The following ADGRL2 variants were observed in gnomAD, a reference collection of about 807,000 sequenced individuals.
ADGRL2 encodes the protein calcium-independent alpha-latrotoxin receptor 2.
ADGRL2 carries 44 observed loss-of-function variants against 157.4 expected under a neutral mutation model. The observed-to-expected ratio is 0.28, with a 90% CI of 0.22 to 0.36. ADGRL2 has a LOEUF of 0.36. Among genes scored for constraint, ADGRL2 ranks in the 10% least tolerant of loss-of-function variants. ADGRL2 has a pLI of 1.00. For missense variants in ADGRL2, 1,510 were observed against 1,768.9 expected (o/e 0.85, Z 2.63); for synonymous variants, 585 against 624.7 (o/e 0.94, Z 0.95).
rs552139875 is a variant in ADGRL2, at chr1:81,707,817, C to G, written c.-143+8009C>G. On this transcript the variant is annotated intron_variant, in intron 1 of 20. Coordinates refer to the ADGRL2 transcript ENST00000359929. ...CCCACAGCTCCTCTTCAACTACATGCAGATACCCCTTTAAGAGTGCAGCTG... is the reference window on the plus strand; with the variant it reads ...CCCACAGCTCCTCTTCAACTACATGGAGATACCCCTTTAAGAGTGCAGCTG... Among the ~76,000 whole-genome samples the G allele has an allele frequency of 3.9e-5, 6 of 152,216 alleles. No homozygotes were observed. In the South Asian group the frequency reaches 1.2e-3, roughly 32 times the overall value.
In ADGRL2 at chr1:81,390,673, CT is replaced by C. The variant is rs1394611507; in HGVS notation, c.-301-54362del. On this transcript the variant is annotated intron_variant, in intron 1 of 24. Coordinates refer to the ADGRL2 transcript ENST00000370721. ...TTTTTCATACAGAAAGGGAATTATA[CT>C]GTACATTCCATATGGCAATTTGATC... Among the ~76,000 whole-genome samples, 11 of 152,420 alleles carry C rather than the reference CT, an allele frequency of 7.2e-5. No individual in the cohort carries two copies. The South Asian group carries it at 1.9e-3, about 26-fold the overall frequency.
At chr1:81,773,651 G>A (rs996227778) in intron 2 of ADGRL2, among the ~76,000 whole-genome samples, 9 of 152,140 alleles carry the variant, frequency 5.9e-5, no homozygotes, top group African/African-American at 1.7e-4. Flanking sequence ...CTTCTTGAGC[G>A]TTCACATGAC....
At chr1:81,402,647 AG>A (rs2076777817) in intron 1 of ADGRL2, among the ~76,000 whole-genome samples, 1 of 152,182 alleles carries the variant, frequency 6.6e-6, no homozygotes, top group Non-Finnish European at 1.5e-5. Flanking sequence ...AAAATAACTC[AG>A]GTTTCTCTTA....
intron 1 of ADGRL2, among the ~76,000 whole-genome samples, chr1:81,747,305 A>ATTT (rs1406668002): frequency 2.5e-3 from 348 of 139,788 alleles, no homozygotes; most frequent in African/African-American, 5.7e-3. Context: ...ATATATATAT[A>ATTT]TATTTTTTTT....
chr1:81,474,657 T>C (rs2078236653), intron 2 of ADGRL2, among the ~76,000 whole-genome samples: 1 of 152,210 alleles, frequency 6.6e-6, no homozygotes, highest in African/African-American at 2.4e-5. Flanking sequence ...TACATGATGC[T>C]ATACTATCAA....
At chr1:81,512,694 G>GA (rs985963942) in intron 2 of ADGRL2, among the ~76,000 whole-genome samples, 4 of 152,118 alleles carry the variant, frequency 2.6e-5, no homozygotes, top group South Asian at 2.1e-4. Context: ...CCAGTAGGGG[G>GA]AAAAAATACC....
chr1:81,616,664 C>CTTTTTTTTTA (rs1553130786), intron 3 of ADGRL2, among the ~76,000 whole-genome samples: 1 of 110,480 alleles, frequency 9.1e-6, no homozygotes, highest in South Asian at 2.8e-4. Flanking sequence ...TTTTTCTTTT[C>CTTTTTTTTTA]TTTTCTTTTC....
At chr1:81,822,112 C>A (rs1330709237) in intron 1 of ADGRL2, among the ~76,000 whole-genome samples, 2 of 144,848 alleles carry the variant, frequency 1.4e-5, no homozygotes, top group East Asian at 4.1e-4. Flanking sequence ...GTGAGATAGC[C>A]CACAATTGGC....
At chr1:81,336,010 G>C (rs900468812) in intron 1 of ADGRL2, among the ~76,000 whole-genome samples, 3 of 152,156 alleles carry the variant, frequency 2.0e-5, no homozygotes, top group Non-Finnish European at 4.4e-5. Flanking sequence ...GCAATTCCCT[G>C]TTTTAAGTGC....
At chr1:81,777,468 C>A (rs2086632454) in intron 2 of ADGRL2, among the ~76,000 whole-genome samples, 1 of 152,192 alleles carries the variant, frequency 6.6e-6, no homozygotes, top group Admixed American at 6.5e-5. Flanking sequence ...GTTTGTTCAT[C>A]TTTTTGTTGT....
chr1:81,516,968 G>C (rs2079192561), intron 2 of ADGRL2, among the ~76,000 whole-genome samples: 2 of 151,898 alleles, frequency 1.3e-5, no homozygotes, highest in South Asian at 4.2e-4. Flanking sequence ...AAATACTTTA[G>C]CTTTTTTTAG....
intron 1 of ADGRL2, among the ~76,000 whole-genome samples, chr1:81,383,637 C>A (rs1018827591): frequency 2.7e-5 from 4 of 146,354 alleles, no homozygotes; most frequent in African/African-American, 7.5e-5. Context: ...CTTAGGAAAA[C>A]AAGATCTCTC....
Position 81,722,395 on chromosome 1 carries a change from C to T in ADGRL2, c.-143+22587C>T, listed in dbSNP as rs567367139. The stretch of plus-strand genomic sequence containing the variant: ...TAAATGATGGTGAACTGCAGAAAGC[C>T]ATTGACTTATTCACAAATGCCATTA... On this transcript the variant is annotated intron_variant, in intron 1 of 20. Transcript: ENST00000359929. 1.5e-4 allele frequency: 127 copies of T among 819,932 alleles called. 1 individual carries two copies. In the African/African-American group the frequency reaches 1.9e-3, roughly 13 times the overall value. 50.8% of individuals were successfully genotyped at this position (819,932 alleles called of 1,614,324 possible).
intron 2 of ADGRL2, among the ~76,000 whole-genome samples, chr1:81,841,242 G>A (rs1335757113): frequency 6.6e-6 from 1 of 152,016 alleles, no homozygotes; most frequent in East Asian, 1.9e-4. Flanking sequence ...TATGAGACAT[G>A]CCAGAAACAG....
rs970401432 is a variant in ADGRL2 at position 81,840,010 on chromosome 1, T to C, written c.73+2953T>C. Among the ~76,000 whole-genome samples the C allele has an allele frequency of 5.1e-5, 7 of 137,596 alleles. No homozygotes were observed. In the South Asian group the frequency reaches 1.2e-3, roughly 24 times the overall value. The allele number at this position is 137,596 out of a possible 152,430, so 90.3% of individuals were successfully genotyped here. On this transcript the variant is annotated intron_variant, in intron 2 of 23. Coordinates refer to ENST00000686636, the MANE Select transcript of ADGRL2 (RefSeq NM_001366006.2). The stretch of plus-strand genomic sequence containing the variant: ...TTATCCACTCGTTGATTGATGGGCA[T>C]TTGGGTTGGTTCCACGATTTTGCAG...
chr1:81,911,679 C>G (rs2094724835), intron 3 of ADGRL2, among the ~76,000 whole-genome samples: 2 of 152,054 alleles, frequency 1.3e-5, no homozygotes, highest in Non-Finnish European at 2.9e-5. Flanking sequence ...GTTTATTTTT[C>G]AATATTAAAT....
intron 1 of ADGRL2, among the ~76,000 whole-genome samples, chr1:81,368,161 C>A (rs1338931818): frequency 6.6e-6 from 1 of 152,178 alleles, no homozygotes; most frequent in Non-Finnish European, 1.5e-5. Flanking sequence ...TAAAAGTGTT[C>A]CTTTTCCTCC....
chr1:81,448,576 C>T (rs976584616), intron 2 of ADGRL2, among the ~76,000 whole-genome samples: 2 of 152,034 alleles, frequency 1.3e-5, no homozygotes, highest in African/African-American at 2.4e-5. Context: ...GTGGCCTACC[C>T]CTATAACCTA....
At chr1:81,504,682 G>A (rs533375547) in intron 2 of ADGRL2, among the ~76,000 whole-genome samples, 48 of 152,072 alleles carry the variant, frequency 3.2e-4, no homozygotes, top group Non-Finnish European at 6.0e-4. Flanking sequence ...GGAGAGGCCC[G>A]CTCTCACACT....
Sources: allele counts gnomAD v4.1 joint callset (sites outside exome capture counted in the v4.1 genomes callset), GRCh38; gene constraint gnomAD v4.1.1; transcripts MANE v1.5; gene names NCBI Gene and HGNC (gene_info 2026-07-23, HGNC 2026-07-21).